ARHGEF1: variants seen among roughly 807,000 people sequenced by gnomAD.
ARHGEF1 encodes Rho guanine nucleotide exchange factor 1, also known as 115 kDa guanine nucleotide exchange factor.
ARHGEF1 carries 40 observed loss-of-function variants against 119.7 expected under a neutral mutation model. The observed-to-expected ratio is 0.33, with a 90% CI of 0.26 to 0.44. The LOEUF is 0.44. Ranked by LOEUF, ARHGEF1 falls within the 20% of genes least tolerant of loss-of-function variation. The pLI is 1.00. For synonymous variants in ARHGEF1, 494 were observed against 521.0 expected, an observed-to-expected ratio of 0.95 and a Z score of 0.71; for missense variants, 976 against 1,268.3, an observed-to-expected ratio of 0.77 and a Z score of 3.50.
intron 18 of ARHGEF1, among the ~76,000 whole-genome samples, chr19:41,914,683 A>C (rs371424576): frequency 3.7e-4 from 2 of 5,478 alleles, no homozygotes; most frequent in Non-Finnish European, 2.7e-4. Context: ...CCCTTCCACC[A>C]TCTCTGTCTC....
upstream of ARHGEF1, among the ~76,000 whole-genome samples, chr19:41,921,269 G>A (rs2074840740): frequency 6.6e-6 from 1 of 152,166 alleles, no homozygotes; most frequent in Non-Finnish European, 1.5e-5. This position sits in a 1 kb window ranked among gnomAD's most constrained non-coding sequence, Gnocchi z 4.4. Flanking sequence ...GCACAGAGAA[G>A]GGGAGACATG....
In ARHGEF1 at chr19:41,888,020, G is replaced by A. The variant is rs782242032; in HGVS notation, c.-19-44G>A. The A allele has an allele frequency of 8.3e-5, 132 of 1,592,322 alleles. No individual in the cohort carries two copies. The highest frequency in any genetic ancestry group is 1.0e-4 in the Non-Finnish European group (122 of 1,170,576). On this transcript the variant is annotated intron_variant, in intron 1 of 28. Coordinates refer to ENST00000354532, the MANE Select transcript of ARHGEF1 (RefSeq NM_004706.4). This position sits in a 1 kb window ranked among gnomAD's most constrained non-coding sequence, Gnocchi z 5.1. ...AATCTGTGAGTAACCACCCTGGGCC[G>A]CCTCCTCCCACCCTCCTAACCACAG...
At chr19:41,908,606 C>T, downstream of ARHGEF1, 1 of 1,231,770 alleles carries the variant, frequency 8.1e-7, no homozygotes, top group Non-Finnish European at 1.0e-6. The surrounding 1 kb of genome is among the most constrained non-coding windows in gnomAD (Gnocchi z 6.7). Flanking sequence ...GGTTAAAGTT[C>T]CAGGGGTACT....
downstream of ARHGEF1, chr19:41,909,028 C>T (rs138216517): frequency 1.7e-6 from 2 of 1,177,084 alleles, no homozygotes; most frequent in South Asian, 8.6e-5. The surrounding 1 kb of genome is among the most constrained non-coding windows in gnomAD (Gnocchi z 5.2). Flanking sequence ...TCCCACTGTG[C>T]CCCCAGCACC....
chr19:41,897,005 C>T (rs1555847881), intron 13 of ARHGEF1: 3 of 429,554 alleles, frequency 7.0e-6, no homozygotes, highest in South Asian at 4.8e-5. Context: ...GGTTTTCTTT[C>T]CCCACCTTCC....
In ARHGEF1 at chr19:41,903,851, C is replaced by A; in HGVS notation, c.1917+67C>A. 6.5e-7 allele frequency: 1 copy of A among 1,530,258 alleles called. No individual in the cohort carries two copies. The highest frequency in any genetic ancestry group is 9.0e-7 in the Non-Finnish European group (1 of 1,107,268). 94.8% of individuals were successfully genotyped at this position (1,530,258 alleles called of 1,614,324 possible). ...TGGCCCAGGGGATTCTGTGATACAGCCCCCAGCCTGTCCTGCCCATCCCAT... is the reference window on the plus strand; with the variant it reads ...TGGCCCAGGGGATTCTGTGATACAGACCCCAGCCTGTCCTGCCCATCCCAT... On this transcript the variant is annotated intron_variant, in intron 20 of 28. Coordinates refer to ENST00000354532, the MANE Select transcript of ARHGEF1 (RefSeq NM_004706.4). The surrounding 1 kb of genome is among the most constrained non-coding windows in gnomAD (Gnocchi z 4.2).
intron 18 of ARHGEF1, among the ~76,000 whole-genome samples, chr19:41,915,659 CTGTCTCTG>C (rs2074796375): frequency 1.3e-5 from 2 of 152,248 alleles, no homozygotes; most frequent in Admixed American, 6.5e-5. Flanking sequence ...CCCCATCTCC[CTGTCTCTG>C]TGTCTCTGTC....
upstream of ARHGEF1, among the ~76,000 whole-genome samples, chr19:41,921,877 C>T (rs1252082491): frequency 3.3e-5 from 5 of 151,408 alleles, no homozygotes; most frequent in Admixed American, 1.3e-4. The surrounding 1 kb of genome is among the most constrained non-coding windows in gnomAD (Gnocchi z 4.4). Context: ...GCCCACCCTA[C>T]CCCTCCTCCT....
At chr19:41,910,876 C>T (rs1002765191), downstream of ARHGEF1, among the ~76,000 whole-genome samples, 19 of 152,158 alleles carry the variant, frequency 1.2e-4, no homozygotes, top group Admixed American at 6.5e-4. This position sits in a 1 kb window ranked among gnomAD's most constrained non-coding sequence, Gnocchi z 4.4. Context: ...ACACAGGCTG[C>T]GCAAGACTCA....
chr19:41,915,309 G>A (rs1029867628), intron 18 of ARHGEF1, among the ~76,000 whole-genome samples: 11 of 151,160 alleles, frequency 7.3e-5, no homozygotes, highest in South Asian at 2.1e-4. Flanking sequence ...CTGCCATCTC[G>A]CAGTCTCTGT....
intron 1 of ARHGEF1, chr19:41,928,744 A>AGTGGGG (rs1391848699): frequency 9.5e-6 from 2 of 210,750 alleles, no homozygotes; most frequent in South Asian, 4.5e-5. Context: ...GGACTGAGGG[A>AGTGGGG]GTGGGGGTGG....
At chr19:41,913,116 C>G (rs1050025768) in intron 18 of ARHGEF1, among the ~76,000 whole-genome samples, 1 of 152,050 alleles carries the variant, frequency 6.6e-6, no homozygotes. Context: ...CAGCCGTTCC[C>G]GGCCCCGAGA....
chr19:41,895,576 A>G (rs2074470712), intron 12 of ARHGEF1, 90 bp downstream of exon 12: 2 of 1,406,132 alleles, frequency 1.4e-6, no homozygotes, highest in Admixed American at 4.5e-5. Context: ...GATAGAAGCC[A>G]TTCCCCAGCA....
At chr19:41,897,097 C>G (rs1456343941) in intron 13 of ARHGEF1, 1 of 360,282 alleles carries the variant, frequency 2.8e-6, no homozygotes, top group East Asian at 8.8e-5. Context: ...CCCCCTGCCC[C>G]CCACCCCCCG....
intron 1 of ARHGEF1, among the ~76,000 whole-genome samples, chr19:41,925,347 G>T (rs1278587535): frequency 2.6e-5 from 4 of 152,108 alleles, no homozygotes; most frequent in Admixed American, 2.6e-4. Context: ...AGTGGATAGA[G>T]AGTACCTGAG....
chr19:41,923,216 G>T (rs1205216506), exon 1 of ARHGEF1: 1 of 456,192 alleles, frequency 2.2e-6, no homozygotes. Flanking sequence ...GATGAGGTGA[G>T]CCTGGACTTG....
chr19:41,928,855 C>G (rs1555853581), exon 2 of ARHGEF1: 2 of 453,470 alleles, frequency 4.4e-6, no homozygotes, highest in South Asian at 3.1e-5. Flanking sequence ...AACGGACAGG[C>G]GCGAGGTGGA....
intron 13 of ARHGEF1, 155 bp downstream of exon 13, chr19:41,896,637 T>C (rs1364671522): frequency 4.2e-6 from 3 of 715,370 alleles, no homozygotes; most frequent in Non-Finnish European, 7.6e-6. Flanking sequence ...CTCTCCCTTC[T>C]TCTTTCCTTT....
chr19:41,896,518 C>T (rs1175873964), intron 13 of ARHGEF1, 36 bp downstream of exon 13: 7 of 1,487,748 alleles, frequency 4.7e-6, no homozygotes, highest in African/African-American at 4.2e-5. Flanking sequence ...GGAGGTGTGG[C>T]TTACTGGGCG....
Sources: allele counts gnomAD v4.1 joint callset (sites outside exome capture counted in the v4.1 genomes callset), GRCh38; gene constraint gnomAD v4.1.1; non-coding constraint Gnocchi (gnomAD v3.1); transcripts MANE v1.5; gene names NCBI Gene and HGNC (gene_info 2026-07-23, HGNC 2026-07-21).